The following GDE1 variants were observed in gnomAD, a reference collection of about 807,000 sequenced individuals.
The protein encoded by GDE1 is RGS16-interacting membrane protein.
Under a neutral mutation model 32.2 loss-of-function variants are expected in GDE1, and 24 were observed. The observed-to-expected ratio is 0.75, with a 90% CI of 0.54 to 1.05. GDE1 has a LOEUF of 1.05. Among genes scored for constraint, GDE1 ranks in the 50% least tolerant of loss-of-function variants. The pLI is 0.00. For missense variants in GDE1, 380 were observed against 415.0 expected, an observed-to-expected ratio of 0.92 and a Z score of 0.73; for synonymous variants, 159 against 158.6, an observed-to-expected ratio of 1.00 and a Z score of -0.02.
intron 1 of GDE1, among the ~76,000 whole-genome samples, chr16:19,519,486 C>A (rs1311837401): frequency 6.8e-6 from 1 of 147,928 alleles, no homozygotes; most frequent in Non-Finnish European, 1.5e-5. Flanking sequence ...ATACACAATA[C>A]TTAATAGATT....
chr16:19,522,066 A>T lies in GDE1; in HGVS notation c.-102T>A. On this transcript the variant is annotated 5_prime_UTR_variant, in exon 1 of 6. Coordinates refer to ENST00000353258, the MANE Select transcript of GDE1 (RefSeq NM_016641.4). ...GAGGGTCCAAGGCACCGGCAGCAGC[A>T]GGAACCCTCTGAGGGGACCAGCGCC... 7.9e-7 allele frequency: 1 copy of T among 1,268,754 alleles called. No homozygotes were observed. The highest frequency in any genetic ancestry group is 1.1e-6 in the Non-Finnish European group (1 of 939,928). The allele number at this position is 1,268,754 out of a possible 1,614,324, so 78.6% of individuals were successfully genotyped here.
intron 1 of GDE1, among the ~76,000 whole-genome samples, chr16:19,519,172 T>C (rs1285290964): frequency 2.0e-5 from 3 of 152,182 alleles, no homozygotes; most frequent in African/African-American, 7.2e-5. Context: ...ATTTTTTTAA[T>C]TCCTCTTAGG....
rs748074496 is a variant in GDE1 at position 19,521,871 on chromosome 16, A to C, written c.94T>G (p.Cys32Gly). The change falls in exon 1 of 6, where the codon TGC becomes GGC. Residue 32 changes from cysteine (C) to glycine (G), a missense_variant. Transcript: ENST00000353258. ...LLVTRSPVNACLLTGSLFVLL... is the reference protein window; with the variant it reads ...LLVTRSPVNAGLLTGSLFVLL... ...ACGAAGAGGCTGCCGGTGAGGAGGCAGGCATTGACCGGGCTCCGCGTCACC... is the reference window on the plus strand; with the variant it reads ...ACGAAGAGGCTGCCGGTGAGGAGGCCGGCATTGACCGGGCTCCGCGTCACC... 1.2e-6 allele frequency: 2 copies of C among 1,606,222 alleles called. No homozygotes were observed. The highest frequency in any genetic ancestry group is 1.7e-6 in the Non-Finnish European group (2 of 1,177,256).
chr16:19,519,449 C>CATATATATATATATAT (rs111659244), intron 1 of GDE1, among the ~76,000 whole-genome samples: 4 of 146,940 alleles, frequency 2.7e-5, no homozygotes, highest in Admixed American at 6.9e-5. Flanking sequence ...TGTGTATGTG[C>CATATATATATATATAT]ATATATATAT....
At chr16:19,507,843 T>C in intron 3 of GDE1, 64 bp from the exon 4 acceptor site, 1 of 757,178 alleles carries the variant, frequency 1.3e-6, no homozygotes, top group Non-Finnish European at 2.3e-6. Context: ...CCCCAGCCAA[T>C]AACTATCACA....
At chr16:19,506,487 T>C (rs1331692546) in intron 4 of GDE1, among the ~76,000 whole-genome samples, 1 of 151,906 alleles carries the variant, frequency 6.6e-6, no homozygotes, top group Non-Finnish European at 1.5e-5. Context: ...CCGTCTCTAC[T>C]AAAATACAAA....
rs1969185151 is a variant in GDE1, at chr16:19,502,294, TTGAG to T, written c.*1172_*1175del. On this transcript the variant is annotated 3_prime_UTR_variant, in exon 6 of 6. Coordinates refer to ENST00000353258, the MANE Select transcript of GDE1 (RefSeq NM_016641.4). ...CACCTCCATAAGACTTTTGTATGGATTGAGTAAGATAATGCATGTTAAACCACTT... is the reference window on the plus strand; with the variant it reads ...CACCTCCATAAGACTTTTGTATGGATTAAGATAATGCATGTTAAACCACTT... 6.6e-6 allele frequency: 1 copy of T among 151,868 alleles called. No individual in the cohort carries two copies. Among genetic ancestry groups the T allele is most frequent in the Non-Finnish European group, 1.5e-5 (1 of 68,000 alleles). The allele number at this position is 151,868 out of a possible 1,614,324, so 9.4% of individuals were successfully genotyped here. A position where few individuals can be genotyped will look rare whatever the true frequency, so the allele number is the denominator to read the frequency against.
At chr16:19,512,697 A>G (rs888257489) in intron 2 of GDE1, among the ~76,000 whole-genome samples, 1 of 152,112 alleles carries the variant, frequency 6.6e-6, no homozygotes, top group African/African-American at 2.4e-5. Context: ...CTGGTCTTAA[A>G]TTTAAACTTT....
At chr16:19,513,549 A>G (rs11640077) in intron 2 of GDE1, among the ~76,000 whole-genome samples, 55,322 of 151,966 alleles carry the variant, frequency 0.36, 11,636 homozygotes, top group East Asian at 0.56. Flanking sequence ...TCATGTTGTC[A>G]GCAAAGAGGT....
intron 3 of GDE1, 52 bp from the exon 4 acceptor site, chr16:19,507,831 A>C (rs1275460981): frequency 1.2e-6 from 1 of 834,992 alleles, no homozygotes; most frequent in Admixed American, 2.1e-5. Context: ...TGTGATAGAT[A>C]GCCCCAGCCA....
At chr16:19,505,915 A>C (rs1180957230) in intron 4 of GDE1, among the ~76,000 whole-genome samples, 5 of 152,254 alleles carry the variant, frequency 3.3e-5, no homozygotes, top group Non-Finnish European at 5.9e-5. Context: ...TGGTAACTAA[A>C]TAGTAGAGGA....
chr16:19,508,098 C>T (rs1969271294), intron 3 of GDE1, among the ~76,000 whole-genome samples: 1 of 152,176 alleles, frequency 6.6e-6, no homozygotes, highest in African/African-American at 2.4e-5. Flanking sequence ...GCCTTATACC[C>T]TAGTTTAGCC....
chr16:19,502,078 A>T lies in GDE1; in HGVS notation c.*1392T>A, dbSNP rs1462172154. On this transcript the variant is annotated 3_prime_UTR_variant, in exon 6 of 6. Transcript: ENST00000353258. ...GTAAGTTCACAATAAAATCCCTGGA[A>T]GTTCAAATTGGAAAGAGCAGTTTGG... The T allele has an allele frequency of 6.6e-6, 1 of 152,222 alleles. No individual in the cohort carries two copies. Among genetic ancestry groups the T allele is most frequent in the Non-Finnish European group, 1.5e-5 (1 of 68,058 alleles). 9.4% of individuals were successfully genotyped at this position (152,222 alleles called of 1,614,324 possible).
intron 1 of GDE1, chr16:19,521,309 A>G (rs1969449794): frequency 5.4e-6 from 1 of 183,952 alleles, no homozygotes; most frequent in Non-Finnish European, 1.1e-5. Context: ...TAAATAAAAT[A>G]GCGTAACTCT....
In GDE1 at chr16:19,521,819, G is replaced by T; in HGVS notation, c.146C>A (p.Pro49Gln). ...FVLLRVFSFE[P>Q]VPSCRALQVL... ...CTGCAGGGCCCTGCAAGAGGGCACC[G>T]GCTCAAAGCTGAAGACGCGCAGTAG... The change falls in exon 1 of 6, where the codon CCG becomes CAG. Residue 49 changes from proline (P) to glutamine (Q), a missense_variant. Coordinates refer to ENST00000353258, the MANE Select transcript of GDE1 (RefSeq NM_016641.4). The T allele has an allele frequency of 6.2e-7, 1 of 1,611,258 alleles. No individual in the cohort carries two copies. Among genetic ancestry groups the T allele is most frequent in the South Asian group, 1.1e-5 (1 of 90,530 alleles).
chr16:19,505,295 G>T (rs935566973), intron 4 of GDE1, among the ~76,000 whole-genome samples: 2 of 152,122 alleles, frequency 1.3e-5, no homozygotes, highest in African/African-American at 2.4e-5. Context: ...GCACATATGA[G>T]AACTTTTTTT....
rs1277754014 is a variant in GDE1 at position 19,505,672 on chromosome 16, T to C, written c.637-580A>G. Among the ~76,000 whole-genome samples the C allele has an allele frequency of 7.9e-5, 12 of 152,210 alleles. No individual in the cohort carries two copies. The South Asian group carries it at 8.3e-4, about 11-fold the overall frequency. On this transcript the variant is annotated intron_variant, in intron 4 of 5. Transcript: ENST00000353258. Reference sequence around the variant, plus strand: ...TGTGCTCCTCTGGGGGAATGTCTTATACGTTTTAAAGGACTCTGTGGTCAA... The same window carrying C: ...TGTGCTCCTCTGGGGGAATGTCTTACACGTTTTAAAGGACTCTGTGGTCAA...
intron 2 of GDE1, among the ~76,000 whole-genome samples, chr16:19,512,479 T>C (rs1969329688): frequency 6.6e-6 from 1 of 152,220 alleles, no homozygotes; most frequent in Non-Finnish European, 1.5e-5. Flanking sequence ...GTCTGTTGAA[T>C]AGTTTGCAAA....
chr16:19,505,069 T>C lies in GDE1; in HGVS notation c.660A>G (p.Val220=). ...IYKMRQTDRD[V]ITALTHRPWS... ...AAGGTCTGTGAGTTAATGCTGTTAT[T>C]ACATCCCGATCTGTTTGTCTCATCT... is the stretch of plus-strand genomic sequence containing the variant. Residue 220 remains valine (V), a synonymous_variant, in exon 5 of 6, where the codon GTA becomes GTG. Coordinates refer to ENST00000353258, the MANE Select transcript of GDE1 (RefSeq NM_016641.4). 1 of 1,611,218 alleles carries C rather than the reference T, an allele frequency of 6.2e-7. No homozygotes were observed. Among genetic ancestry groups the C allele is most frequent in the Non-Finnish European group, 8.5e-7 (1 of 1,177,282 alleles).
Sources: gnomAD v4.1 joint callset for allele counts (sites outside exome capture counted in the v4.1 genomes callset) on GRCh38, gnomAD v4.1.1 for gene constraint, MANE v1.5 for transcripts, NCBI Gene and HGNC (gene_info 2026-07-23, HGNC 2026-07-21) for gene names.